DNAH5: variants seen among roughly 807,000 people sequenced by gnomAD.
The protein encoded by DNAH5 is axonemal beta dynein heavy chain 5.
A neutral mutation model predicts 518.2 loss-of-function variants in DNAH5; 372 were observed. That is an observed-to-expected ratio of 0.72 (90% CI 0.66 to 0.78). The LOEUF (loss-of-function observed/expected upper bound fraction) is 0.78. Among genes scored for constraint, DNAH5 ranks in the 30% least tolerant of loss-of-function variants. The probability of loss-of-function intolerance (pLI) is 0.00; values close to 1 mark genes in which losing one functional copy is unlikely to be tolerated. For synonymous variants in DNAH5, 2,039 were observed against 2,025.9 expected, an observed-to-expected ratio of 1.01 and a Z score of -0.17; for missense variants, 5,523 against 5,687.0, an observed-to-expected ratio of 0.97 and a Z score of 0.93.
intron 1 of DNAH5, among the ~76,000 whole-genome samples, chr5:13,959,345 A>G (rs1780992872): frequency 6.6e-6 from 1 of 152,254 alleles, no homozygotes; most frequent in Non-Finnish European, 1.5e-5. Flanking sequence ...TGAAGACTCA[A>G]GAAGACTGAT....
intron 43 of DNAH5, among the ~76,000 whole-genome samples, chr5:13,813,174 A>C (rs1343542946): frequency 6.6e-6 from 1 of 152,198 alleles, no homozygotes; most frequent in African/African-American, 2.4e-5. Flanking sequence ...AAGAAAATGC[A>C]TTATTTAAAA....
intron 1 of DNAH5, among the ~76,000 whole-genome samples, chr5:13,963,482 G>A (rs541458947): frequency 3.9e-5 from 6 of 152,142 alleles, no homozygotes; most frequent in Admixed American, 2.0e-4. Flanking sequence ...GGAGGCTGAG[G>A]CAGGAAGAAT....
chr5:13,875,102 C>A (rs1770696245), intron 22 of DNAH5, among the ~76,000 whole-genome samples: 1 of 152,192 alleles, frequency 6.6e-6, no homozygotes, highest in Admixed American at 6.5e-5. Context: ...TAAATGCCAA[C>A]CTTTTCTACT....
chr5:13,727,216 C>T (rs1054489013), intron 70 of DNAH5, among the ~76,000 whole-genome samples: 4 of 152,156 alleles, frequency 2.6e-5, no homozygotes, highest in Admixed American at 2.0e-4. Context: ...AAAAGAATAA[C>T]GCATTACCTG....
chr5:13,948,142 T>G (rs1423015131), upstream of DNAH5, among the ~76,000 whole-genome samples: 1 of 152,224 alleles, frequency 6.6e-6, no homozygotes, highest in Non-Finnish European at 1.5e-5. Flanking sequence ...CTAGAAATCT[T>G]CACTGTCACC....
intron 32 of DNAH5, 139 bp downstream of exon 32, chr5:13,844,698 A>G (rs1260380871): frequency 9.4e-7 from 1 of 1,061,404 alleles, no homozygotes; most frequent in Non-Finnish European, 1.5e-6. Context: ...GGGCCCCGAG[A>G]TTTGTTTTTA....
At chr5:13,821,481 G>C (rs1474099416) in intron 40 of DNAH5, among the ~76,000 whole-genome samples, 1 of 152,116 alleles carries the variant, frequency 6.6e-6, no homozygotes, top group Non-Finnish European at 1.5e-5. Context: ...CATGATGGAA[G>C]GGATGCTATT....
At chr5:13,766,745 A>C (rs952202576) in intron 58 of DNAH5, among the ~76,000 whole-genome samples, 3 of 152,234 alleles carry the variant, frequency 2.0e-5, no homozygotes, top group African/African-American at 7.2e-5. Flanking sequence ...TCTCTTAGAA[A>C]AGTTCCATTC....
At chr5:13,803,914 T>G (rs948419036) in intron 47 of DNAH5, among the ~76,000 whole-genome samples, 2 of 152,206 alleles carry the variant, frequency 1.3e-5, no homozygotes, top group African/African-American at 4.8e-5. Context: ...AGGAGTCTTA[T>G]TTTTTAAAAA....
intron 17 of DNAH5, among the ~76,000 whole-genome samples, chr5:13,887,965 A>G (rs1172787613): frequency 6.6e-6 from 1 of 152,128 alleles, no homozygotes; most frequent in Non-Finnish European, 1.5e-5. Flanking sequence ...GCTCCATAAT[A>G]GCTGTGTCTT....
intron 75 of DNAH5, among the ~76,000 whole-genome samples, chr5:13,713,444 T>TATATATATATATACATCGAC (rs1554018846): frequency 3.5e-4 from 44 of 125,640 alleles, no homozygotes; most frequent in African/African-American, 1.5e-3. Flanking sequence ...CATATATATA[T>TATATATATATATACATCGAC]ATATATATAT....
chr5:13,828,068 A>G (rs1291129484), intron 38 of DNAH5, among the ~76,000 whole-genome samples: 1 of 152,242 alleles, frequency 6.6e-6, no homozygotes, highest in Non-Finnish European at 1.5e-5. Flanking sequence ...AGAACAGACT[A>G]ATACAATAAG....
chr5:13,758,347 TAG>T (rs1336497812), intron 61 of DNAH5, among the ~76,000 whole-genome samples: 1 of 151,980 alleles, frequency 6.6e-6, no homozygotes, highest in African/African-American at 2.4e-5. Context: ...TACAAAAAAT[TAG>T]CCAGGCATGG....
chr5:13,802,981 T>TA (rs1406357317), intron 47 of DNAH5, among the ~76,000 whole-genome samples: 3 of 105,354 alleles, frequency 2.8e-5, no homozygotes, highest in Non-Finnish European at 4.4e-5. Context: ...AATGATATAA[T>TA]ATATATGAAA....
At chr5:13,692,161 C>CT (rs1475683457) in intron 78 of DNAH5, 26 bp from the exon 79 acceptor site, 1 of 1,613,460 alleles carries the variant, frequency 6.2e-7, no homozygotes, top group East Asian at 2.2e-5. Flanking sequence ...AAGAAAAGAA[C>CT]TTGGTGAAAT....
At chr5:13,808,225 CAAAAAAAAAAA>C (rs56686032) in intron 46 of DNAH5, among the ~76,000 whole-genome samples, 2 of 86,352 alleles carry the variant, frequency 2.3e-5, no homozygotes, top group African/African-American at 4.7e-5. Context: ...GACTCCATCT[CAAAAAAAAAAA>C]AAAAAAAAAA....
chr5:13,766,132 G>T lies in DNAH5; in HGVS notation c.9945C>A (p.Pro3315=). Residue 3315 remains proline, a synonymous_variant, in exon 59 of 79, where the codon CCC becomes CCA. Coordinates refer to ENST00000265104, the MANE Select transcript of DNAH5 (RefSeq NM_001369.3). ...DIATVRTLGR[P]PHLIMRIMDC... Reference sequence around the variant, plus strand: ...CCATGATCCGCATGATGAGGTGAGGGGGGCGGCCCAACGTGCGAACAGTGG... The same window carrying T: ...CCATGATCCGCATGATGAGGTGAGGTGGGCGGCCCAACGTGCGAACAGTGG... The T allele has an allele frequency of 6.2e-7, 1 of 1,614,214 alleles. No individual in the cohort carries two copies.
At chr5:13,943,039 T>A (rs539446099) in intron 1 of DNAH5, among the ~76,000 whole-genome samples, 2 of 152,270 alleles carry the variant, frequency 1.3e-5, no homozygotes, top group African/African-American at 4.8e-5. Context: ...CAAACCAGCA[T>A]CCTAAATATA....
At chr5:13,948,612 T>C (rs983046167), upstream of DNAH5, among the ~76,000 whole-genome samples, 1 of 152,142 alleles carries the variant, frequency 6.6e-6, no homozygotes, top group African/African-American at 2.4e-5. Flanking sequence ...ACAGAGCCCG[T>C]CTTGTGCTGC....
Sources: gnomAD v4.1 joint callset for allele counts (sites outside exome capture counted in the v4.1 genomes callset) on GRCh38, gnomAD v4.1.1 for gene constraint, MANE v1.5 for transcripts, NCBI Gene and HGNC (gene_info 2026-07-23, HGNC 2026-07-21) for gene names.